The following ITGB8 variants were observed in gnomAD, a reference collection of about 807,000 sequenced individuals.
ITGB8 encodes integrin subunit beta 8.
Under a neutral mutation model 89.5 loss-of-function variants are expected in ITGB8, and 30 were observed. The observed-to-expected ratio is 0.34, with a 90% CI of 0.25 to 0.45. The LOEUF (loss-of-function observed/expected upper bound fraction) is 0.45. ITGB8 is among the 20% of genes least tolerant of loss of function. The pLI is 1.00. For synonymous variants in ITGB8, 335 were observed against 320.4 expected (o/e 1.05, Z -0.49); for missense variants, 836 against 933.3 (o/e 0.90, Z 1.36).
At position 20,401,694 on chromosome 7, in the gene ITGB8, A is replaced by C. The variant is rs557446690; in HGVS notation, c.1282-27A>C. On this transcript the variant is annotated intron_variant, in intron 9 of 13. Coordinates refer to ENST00000222573, the MANE Select transcript of ITGB8 (RefSeq NM_002214.3). ...ATAAAAATAATTAAGGTATATAAAT[A>C]TATTTCCTTTTTCCTCCTAAATTTA... The C allele has an allele frequency of 3.7e-6, 5 of 1,364,322 alleles. No individual in the cohort carries two copies. In the African/African-American group the frequency reaches 7.3e-5, roughly 20 times the overall value. 84.5% of individuals were successfully genotyped at this position (1,364,322 alleles called of 1,614,324 possible). A position where few individuals can be genotyped will look rare whatever the true frequency, so the allele number is the denominator to read the frequency against.
chr7:20,400,957 C>T (rs1787284186), intron 9 of ITGB8, among the ~76,000 whole-genome samples: 3 of 152,028 alleles, frequency 2.0e-5, no homozygotes, highest in Admixed American at 1.3e-4. Flanking sequence ...AACATCTTAT[C>T]TCAGGGTTTT....
chr7:20,394,507 T>C (rs1036684266), intron 7 of ITGB8, among the ~76,000 whole-genome samples: 1 of 152,392 alleles, frequency 6.6e-6, no homozygotes, highest in Middle Eastern at 3.4e-3. Context: ...GTGCATTTTA[T>C]GTTTCTAAGT....
intron 3 of ITGB8, among the ~76,000 whole-genome samples, chr7:20,368,199 G>T (rs1785782106): frequency 6.6e-6 from 1 of 152,156 alleles, no homozygotes. Flanking sequence ...TAATGACACA[G>T]CCCAGTATGG....
chr7:20,388,403 G>A (rs1786714702), intron 6 of ITGB8, among the ~76,000 whole-genome samples: 1 of 152,182 alleles, frequency 6.6e-6, no homozygotes, highest in East Asian at 1.9e-4. Flanking sequence ...TGAAATAAAA[G>A]ATAAAATACT....
chr7:20,405,545 C>G (rs1787504464), intron 11 of ITGB8, among the ~76,000 whole-genome samples: 1 of 151,320 alleles, frequency 6.6e-6, no homozygotes, highest in Non-Finnish European at 1.5e-5. Context: ...GTCTCAATCT[C>G]CTGACCTCGT....
At chr7:20,385,178 A>T in intron 6 of ITGB8, among the ~76,000 whole-genome samples, 1 of 152,226 alleles carries the variant, frequency 6.6e-6, no homozygotes. Context: ...CAAGAATAGC[A>T]TGAAGGTCTT....
Position 20,331,184 on chromosome 7 carries a change from T to G in ITGB8, c.-623T>G, listed in dbSNP as rs1477036603. 5.7e-6 allele frequency: 1 copy of G among 176,468 alleles called. No homozygotes were observed. The highest frequency in any genetic ancestry group is 1.5e-4 in the East Asian group (1 of 6,772). The allele number at this position is 176,468 out of a possible 1,614,324, so 10.9% of individuals were successfully genotyped here. A position where few individuals can be genotyped will look rare whatever the true frequency, so the allele number is the denominator to read the frequency against. ...CTTCCTCCCTTGCCAGCCAGGACGC[T>G]GCCGACTTGTCTTTGCCCGCTGCTC... On this transcript the variant is annotated 5_prime_UTR_variant, in exon 1 of 14. Coordinates refer to ENST00000222573, the MANE Select transcript of ITGB8 (RefSeq NM_002214.3).
At chr7:20,395,064 T>G in intron 8 of ITGB8, 79 bp downstream of exon 8, 1 of 792,040 alleles carries the variant, frequency 1.3e-6, no homozygotes, top group Non-Finnish European at 2.1e-6. Flanking sequence ...TAGTGCCATG[T>G]CATCTCGAGA....
Position 20,331,380 on chromosome 7 carries a change from C to T in ITGB8, c.-427C>T, listed in dbSNP as rs538600350. On this transcript the variant is annotated 5_prime_UTR_variant, in exon 1 of 14. Transcript: ENST00000222573. ...ATGTACATTAGGGTGGTTTCCCCCC[C>T]AGCTTCGGGCTTTGTTTGGGTTTGA... 1.5e-5 allele frequency: 6 copies of T among 398,232 alleles called. No individual in the cohort carries two copies. In the Middle Eastern group the frequency reaches 1.9e-3, roughly 125 times the overall value. The allele number at this position is 398,232 out of a possible 1,614,324, so 24.7% of individuals were successfully genotyped here. A position where few individuals can be genotyped will look rare whatever the true frequency, so the allele number is the denominator to read the frequency against.
chr7:20,341,363 T>C (rs150887270), intron 1 of ITGB8, among the ~76,000 whole-genome samples: 1,694 of 152,234 alleles, frequency 0.011, 13 homozygotes, highest in Non-Finnish European at 0.019. Context: ...GTTTCAGACA[T>C]CCTCAGTTTT....
intron 1 of ITGB8, among the ~76,000 whole-genome samples, chr7:20,353,903 G>C (rs1785197492): frequency 8.2e-6 from 1 of 122,488 alleles, no homozygotes; most frequent in South Asian, 2.6e-4. Context: ...CTGCACTCCA[G>C]CCTGGGCGAC....
chr7:20,331,299 T>C lies in ITGB8; in HGVS notation c.-508T>C. 2.8e-6 allele frequency: 1 copy of C among 362,844 alleles called. No homozygotes were observed. Among genetic ancestry groups the C allele is most frequent in the Non-Finnish European group, 4.9e-6 (1 of 203,786 alleles). The allele number at this position is 362,844 out of a possible 1,614,324, so 22.5% of individuals were successfully genotyped here. A position where few individuals can be genotyped will look rare whatever the true frequency, so the allele number is the denominator to read the frequency against. ...TGCGCTGATTGATGCGCCACAGACT[T>C]TTTTCCCCTCGACCTCGCCGGCGTC... On this transcript the variant is annotated 5_prime_UTR_variant, in exon 1 of 14. Transcript: ENST00000222573.
intron 3 of ITGB8, among the ~76,000 whole-genome samples, chr7:20,377,793 C>G (rs1028287161): frequency 1.3e-5 from 2 of 152,164 alleles, no homozygotes; most frequent in Non-Finnish European, 2.9e-5. Context: ...TAGTCCCTTT[C>G]TCCATAATTA....
At chr7:20,401,270 C>A (rs769464626) in intron 9 of ITGB8, among the ~76,000 whole-genome samples, 2 of 152,146 alleles carry the variant, frequency 1.3e-5, no homozygotes, top group Non-Finnish European at 2.9e-5. Flanking sequence ...TGAGCCACCA[C>A]GCCAGGCCTC....
chr7:20,376,245 C>T (rs1786139080), intron 3 of ITGB8, among the ~76,000 whole-genome samples: 1 of 152,166 alleles, frequency 6.6e-6, no homozygotes, highest in South Asian at 2.1e-4. Flanking sequence ...TTGGTACTAA[C>T]TCTGAAACCA....
At chr7:20,352,835 A>T (rs942606804) in intron 1 of ITGB8, 1 of 152,266 alleles carries the variant, frequency 6.6e-6, no homozygotes, top group Non-Finnish European at 1.5e-5. Context: ...TACAATTAAC[A>T]GTGCCCCTTT....
intron 3 of ITGB8, 98 bp from the exon 4 acceptor site, chr7:20,378,953 T>C: frequency 1.3e-6 from 1 of 765,938 alleles, no homozygotes; most frequent in Non-Finnish European, 1.9e-6. Flanking sequence ...AAATTTGTGA[T>C]GATTGTGCTA....
chr7:20,370,020 G>A (rs1256693133), intron 3 of ITGB8, among the ~76,000 whole-genome samples: 1 of 151,184 alleles, frequency 6.6e-6, no homozygotes, highest in Non-Finnish European at 1.5e-5. Flanking sequence ...AGCATCCAAA[G>A]ATATAAGAAG....
chr7:20,411,464 C>T lies in ITGB8; in HGVS notation c.*1467C>T, dbSNP rs1787760086. ...GCCACCATGCCAGGCTGCTAATTCT[C>T]CTTTTTAGTGAGTTAGGGAACTGAG... is the stretch of plus-strand genomic sequence containing the variant. On this transcript the variant is annotated 3_prime_UTR_variant, in exon 14 of 14. Coordinates refer to ENST00000222573, the MANE Select transcript of ITGB8 (RefSeq NM_002214.3). 6.6e-6 allele frequency: 1 copy of T among 152,532 alleles called. No homozygotes were observed. Among genetic ancestry groups the T allele is most frequent in the African/African-American group, 2.4e-5 (1 of 41,424 alleles). The allele number at this position is 152,532 out of a possible 1,614,324, so 9.4% of individuals were successfully genotyped here. A position where few individuals can be genotyped will look rare whatever the true frequency, so the allele number is the denominator to read the frequency against.
Sources: allele counts gnomAD v4.1 joint callset (sites outside exome capture counted in the v4.1 genomes callset), GRCh38; gene constraint gnomAD v4.1.1; transcripts MANE v1.5; gene names NCBI Gene and HGNC (gene_info 2026-07-23, HGNC 2026-07-21).